FMO3: variants seen among roughly 807,000 people sequenced by gnomAD.
The protein encoded by FMO3 is flavin-containing monooxygenase 3.
In FMO3, 40 loss-of-function variants were observed where a neutral mutation model predicts 39.4. That is an observed-to-expected ratio of 1.02 (90% CI 0.79 to 1.32). FMO3 has a LOEUF of 1.32. Among genes scored for constraint, FMO3 ranks in the 40% most tolerant of loss-of-function variants. The probability of loss-of-function intolerance (pLI) is 0.00; values close to 1 mark genes in which losing one functional copy is unlikely to be tolerated. For missense variants in FMO3, 680 were observed against 651.8 expected (o/e 1.04, Z -0.47); for synonymous variants, 219 against 228.8 (o/e 0.96, Z 0.39).
intron 5 of FMO3, among the ~76,000 whole-genome samples, chr1:171,110,409 T>C (rs1168481033): frequency 2.0e-5 from 3 of 152,144 alleles, no homozygotes; most frequent in Admixed American, 6.6e-5. Flanking sequence ...TGGCTGACCC[T>C]AAGATGTAGA....
At chr1:171,107,967 G>A (rs1407808324) in intron 4 of FMO3, 112 bp from the exon 5 acceptor site, 3 of 1,375,642 alleles carry the variant, frequency 2.2e-6, no homozygotes, top group Non-Finnish European at 2.1e-6. Flanking sequence ...TATGCTTGGT[G>A]TGTTAAAATA....
intron 5 of FMO3, among the ~76,000 whole-genome samples, chr1:171,108,671 C>T (rs1294830427): frequency 6.6e-6 from 1 of 152,124 alleles, no homozygotes; most frequent in African/African-American, 2.4e-5. Context: ...TTTATTCATT[C>T]ATTTATGATG....
intron 5 of FMO3, among the ~76,000 whole-genome samples, chr1:171,110,563 C>T (rs528683007): frequency 7.9e-5 from 12 of 152,186 alleles, no homozygotes; most frequent in African/African-American, 2.6e-4. Context: ...TTTATACGCC[C>T]GCATTGACCA....
intron 7 of FMO3, 21 bp from the exon 8 acceptor site, chr1:171,116,187 G>A (rs752644403): frequency 5.6e-5 from 83 of 1,495,322 alleles, no homozygotes; most frequent in Middle Eastern, 1.8e-4. Context: ...AATTACCATC[G>A]TGTCTTTCCT....
chr1:171,100,188 G>A (rs1296861175), intron 2 of FMO3: 1 of 152,162 alleles, frequency 6.6e-6, no homozygotes, highest in Non-Finnish European at 1.5e-5. Context: ...GCTATTGAGA[G>A]GAACACAGCC....
In FMO3 at chr1:171,107,854, A is replaced by G; in HGVS notation, c.484+17A>G. 6.2e-7 allele frequency: 1 copy of G among 1,611,592 alleles called. No homozygotes were observed. The highest frequency in any genetic ancestry group is 2.2e-5 in the East Asian group (1 of 44,856). On this transcript the variant is annotated intron_variant, in intron 4 of 8. Transcript: ENST00000367755. ...CCTTTCCAGGTAAGGCCAAAATTTA[A>G]GCTGCTAGCCACATAACTGACAAAA...
rs1416484224 is a variant in FMO3 at position 171,096,012 on chromosome 1, CATATT to C, written c.132+3227_132+3231del. 4.4e-3 allele frequency among the ~76,000 whole-genome samples: 127 copies of C among 28,726 alleles called. 1 individual carries two copies. Among genetic ancestry groups the C allele is most frequent in the African/African-American group, 0.016 (119 of 7,236 alleles). 18.8% of individuals were successfully genotyped at this position (28,726 alleles called of 152,430 possible). On this transcript the variant is annotated intron_variant, in intron 2 of 8. Coordinates refer to ENST00000367755, the MANE Select transcript of FMO3 (RefSeq NM_001002294.3). ...TTATATATTTTTATATATTAATATA[CATATT>C]ATATATTAATATATAATATATATTA... is the stretch of plus-strand genomic sequence containing the variant.
chr1:171,096,243 ATACATAT>A (rs1247565744), intron 2 of FMO3, among the ~76,000 whole-genome samples: 5,951 of 82,274 alleles, frequency 0.072, 304 homozygotes, highest in East Asian at 0.22. Context: ...ATATTATTTC[ATACATAT>A]TATATAATTT....
Position 171,117,245 on chromosome 1 carries a change from C to T in FMO3, c.1402C>T (p.Pro468Ser), listed in dbSNP as rs758899175. 1 of 1,614,142 alleles carries T rather than the reference C, an allele frequency of 6.2e-7. No individual in the cohort carries two copies. Among genetic ancestry groups the T allele is most frequent in the Non-Finnish European group, 8.5e-7 (1 of 1,180,006 alleles). The change falls in exon 9 of 9, where the codon CCC becomes TCC. Residue 468 changes from proline to serine, a missense_variant. Coordinates refer to ENST00000367755, the MANE Select transcript of FMO3 (RefSeq NM_001002294.3). Reference protein sequence around the residue: ...AMEVYFGPCSPYQFRLVGPGQ... With the variant: ...AMEVYFGPCSSYQFRLVGPGQ... ...GGAAGTTTATTTTGGCCCTTGTAGTCCCTACCAGTTTAGGCTGGTGGGCCC... is the reference window on the plus strand; with the variant it reads ...GGAAGTTTATTTTGGCCCTTGTAGTTCCTACCAGTTTAGGCTGGTGGGCCC...
At chr1:171,096,063 ATT>A (rs1491144983) in intron 2 of FMO3, among the ~76,000 whole-genome samples, 3 of 55,118 alleles carry the variant, frequency 5.4e-5, no homozygotes, top group African/African-American at 1.1e-4. Flanking sequence ...TATAATATAT[ATT>A]ATATATTAAT....
intron 1 of FMO3, among the ~76,000 whole-genome samples, chr1:171,091,849 G>T (rs1654722635): frequency 6.6e-6 from 1 of 152,048 alleles, no homozygotes; most frequent in Admixed American, 6.6e-5. Context: ...TTCAGACCTT[G>T]TTCCTCATTA....
intron 3 of FMO3, 107 bp downstream of exon 3, chr1:171,104,080 A>C (rs1655532383): frequency 3.5e-6 from 3 of 864,732 alleles, no homozygotes; most frequent in South Asian, 1.4e-5. Flanking sequence ...ATTTGTCAAC[A>C]TTTTTAACAG....
intron 6 of FMO3, 45 bp from the exon 7 acceptor site, chr1:171,113,962 A>G (rs770719468): frequency 2.2e-5 from 29 of 1,336,436 alleles, no homozygotes; most frequent in Non-Finnish European, 8.4e-6. Context: ...ATAAAACAAG[A>G]GGGAAATATT....
At position 171,117,473 on chromosome 1, in the gene FMO3, A is replaced by G. The variant is rs747699677; in HGVS notation, c.*31A>G. 1 of 1,566,434 alleles carries G rather than the reference A, an allele frequency of 6.4e-7. No homozygotes were observed. Among genetic ancestry groups the G allele is most frequent in the South Asian group, 1.1e-5 (1 of 89,950 alleles). ...ATTTTCTCTAGGATTTCTGAAAGTTACTGACAATACCCAGACAGGGGCTTT... is the reference window on the plus strand; with the variant it reads ...ATTTTCTCTAGGATTTCTGAAAGTTGCTGACAATACCCAGACAGGGGCTTT... On this transcript the variant is annotated 3_prime_UTR_variant, in exon 9 of 9. Transcript: ENST00000367755.
intron 7 of FMO3, 66 bp downstream of exon 7, chr1:171,114,428 G>T (rs1276818457): frequency 8.3e-7 from 1 of 1,199,678 alleles, no homozygotes. Context: ...TTGGATCTTT[G>T]TGAAAACAAT....
chr1:171,107,509 C>T (rs1655697098), intron 3 of FMO3, among the ~76,000 whole-genome samples, 166 bp from the exon 4 acceptor site: 1 of 152,188 alleles, frequency 6.6e-6, no homozygotes, highest in Admixed American at 6.5e-5. Flanking sequence ...GACAAATAGA[C>T]AGATACCATT....
At chr1:171,103,657 G>A (rs28363535) in intron 2 of FMO3, 128 bp from the exon 3 acceptor site, 52,249 of 772,080 alleles carry the variant, frequency 0.068, 3,818 homozygotes, top group Admixed American at 0.22. Context: ...GTAGATTTTG[G>A]TAACCACGGA....
Position 171,110,836 on chromosome 1 carries a change from C to T in FMO3, c.666C>T (p.Ser222=). Residue 222 remains serine, a synonymous_variant, in exon 6 of 9, where the codon AGC becomes AGT. Coordinates refer to ENST00000367755, the MANE Select transcript of FMO3 (RefSeq NM_001002294.3). ...ISSRSGSWVM[S]RVWDNGYPWD... is the part of the protein sequence containing the mutation. ...CCAGAAGTGGCTCCTGGGTGATGAGCCGGGTCTGGGACAATGGTTATCCTT... is the reference window on the plus strand; with the variant it reads ...CCAGAAGTGGCTCCTGGGTGATGAGTCGGGTCTGGGACAATGGTTATCCTT... The T allele has an allele frequency of 1.9e-6, 3 of 1,613,920 alleles. No individual in the cohort carries two copies. The highest frequency in any genetic ancestry group is 2.5e-6 in the Non-Finnish European group (3 of 1,179,928).
chr1:171,109,526 C>CTTTTTTTTTTTTTTTTTTT lies in FMO3; in HGVS notation c.628-1265_628-1247dup, dbSNP rs780479699. ...TAATTAATTGATCCTTTAGTCTCTT[C>CTTTTTTTTTTTTTTTTTTT]TTTTTTTTTTTTTTTTTTTTTTTTT... On this transcript the variant is annotated intron_variant, in intron 5 of 8. Transcript: ENST00000367755. Among the ~76,000 whole-genome samples, 14 of 58,996 alleles carry CTTTTTTTTTTTTTTTTTTT rather than the reference C, an allele frequency of 2.4e-4. 2 individuals carry two copies. The highest frequency in any genetic ancestry group is 8.1e-4 in the South Asian group (1 of 1,228). The allele number at this position is 58,996 out of a possible 152,430, so 38.7% of individuals were successfully genotyped here.
Sources: allele counts gnomAD v4.1 joint callset (sites outside exome capture counted in the v4.1 genomes callset), GRCh38; gene constraint gnomAD v4.1.1; transcripts MANE v1.5; gene names NCBI Gene and HGNC (gene_info 2026-07-23, HGNC 2026-07-21).